Variants in TBC1D22B observed in about 807,000 individuals in gnomAD.
The protein encoded by TBC1D22B is chromosome 6 open reading frame 197.
Under a neutral mutation model 69.1 loss-of-function variants are expected in TBC1D22B, and 32 were observed. That is an observed-to-expected ratio of 0.46 (90% CI 0.35 to 0.62). The LOEUF is 0.62. TBC1D22B is among the 20% of genes least tolerant of loss of function. The pLI, the probability that TBC1D22B is intolerant of heterozygous loss-of-function variation, is 0.00. For synonymous variants in TBC1D22B, 206 were observed against 229.8 expected (o/e 0.90, Z 0.94); for missense variants, 462 against 630.9 (o/e 0.73, Z 2.87).
At chr6:37,263,935 A>G (rs1766188081) in intron 1 of TBC1D22B, among the ~76,000 whole-genome samples, 1 of 152,206 alleles carries the variant, frequency 6.6e-6, no homozygotes, top group Non-Finnish European at 1.5e-5. Context: ...TTTGTAAATC[A>G]GAGTGATGGG....
chr6:37,267,404 TATA>T (rs1291674322), intron 1 of TBC1D22B, among the ~76,000 whole-genome samples: 2 of 141,518 alleles, frequency 1.4e-5, no homozygotes, highest in Non-Finnish European at 3.0e-5. Flanking sequence ...TACACACATA[TATA>T]ATATATATAT....
chr6:37,279,747 C>A, intron 3 of TBC1D22B, 136 bp downstream of exon 3: 1 of 964,564 alleles, frequency 1.0e-6, no homozygotes. Flanking sequence ...TGAGATGTGA[C>A]ATCATTAAGC....
intron 8 of TBC1D22B, among the ~76,000 whole-genome samples, chr6:37,305,663 G>A (rs1451234974): frequency 6.6e-5 from 10 of 151,874 alleles, no homozygotes; most frequent in East Asian, 5.8e-4. Context: ...GACTACAGGC[G>A]CCCGCCACCA....
intron 1 of TBC1D22B, among the ~76,000 whole-genome samples, chr6:37,267,963 A>G (rs1047913397): frequency 6.6e-6 from 1 of 152,088 alleles, no homozygotes; most frequent in African/African-American, 2.4e-5. Flanking sequence ...ACATTTGCCA[A>G]TTATATTACT....
chr6:37,314,867 A>G (rs1194747766), intron 10 of TBC1D22B, among the ~76,000 whole-genome samples: 2 of 143,812 alleles, frequency 1.4e-5, no homozygotes, highest in Non-Finnish European at 3.0e-5. Context: ...CACTCACTCT[A>G]TTTTATGACT....
intron 3 of TBC1D22B, among the ~76,000 whole-genome samples, chr6:37,281,383 C>G (rs186169372): frequency 3.0e-4 from 45 of 152,316 alleles, no homozygotes; most frequent in Non-Finnish European, 4.7e-4. Context: ...TACCCACTAT[C>G]TAGTGTAGAA....
intron 6 of TBC1D22B, among the ~76,000 whole-genome samples, chr6:37,285,310 C>G (rs957093842): frequency 3.6e-5 from 5 of 140,158 alleles, no homozygotes; most frequent in Non-Finnish European, 7.5e-5. Flanking sequence ...TTTGGTCCTT[C>G]CCCACTTTTT....
At chr6:37,260,240 A>G (rs368701067) in intron 1 of TBC1D22B, among the ~76,000 whole-genome samples, 8 of 152,314 alleles carry the variant, frequency 5.3e-5, no homozygotes, top group African/African-American at 1.9e-4. Flanking sequence ...AGAGAAGAAA[A>G]ACTTTCTCCT....
At chr6:37,309,806 C>T (rs111767988) in intron 8 of TBC1D22B, among the ~76,000 whole-genome samples, 65 of 151,950 alleles carry the variant, frequency 4.3e-4, no homozygotes, top group African/African-American at 1.4e-3. Flanking sequence ...GTGATGGAGG[C>T]GCACCATGCA....
At chr6:37,288,432 C>T (rs2113748955) in intron 7 of TBC1D22B, among the ~76,000 whole-genome samples, 1 of 152,296 alleles carries the variant, frequency 6.6e-6, no homozygotes, top group East Asian at 1.9e-4. Context: ...GCTTCTCAGC[C>T]AGGCGTGATG....
chr6:37,260,490 A>G (rs1284153444), intron 1 of TBC1D22B, among the ~76,000 whole-genome samples: 3 of 152,242 alleles, frequency 2.0e-5, no homozygotes, highest in Non-Finnish European at 2.9e-5. Flanking sequence ...GATATAATTC[A>G]CATACCATAA....
chr6:37,317,802 C>T (rs542757499), intron 12 of TBC1D22B, among the ~76,000 whole-genome samples: 6 of 152,174 alleles, frequency 3.9e-5, no homozygotes, highest in Admixed American at 2.6e-4. Context: ...GAGCAAGCCA[C>T]GTGGACATCA....
chr6:37,329,324 G>A (rs531773275), intron 12 of TBC1D22B, among the ~76,000 whole-genome samples: 3 of 152,228 alleles, frequency 2.0e-5, no homozygotes, highest in African/African-American at 7.2e-5. Context: ...ATGTAGACCG[G>A]CTTCGCTTGT....
At position 37,319,696 on chromosome 6, in the gene TBC1D22B, C is replaced by T. The variant is rs186182396; in HGVS notation, c.1389+2490C>T. 1.1e-3 allele frequency among the ~76,000 whole-genome samples: 168 copies of T among 152,152 alleles called. 1 individual carries two copies. Among genetic ancestry groups the T allele is most frequent in the African/African-American group, 3.6e-3 (151 of 41,486 alleles). The stretch of plus-strand genomic sequence containing the variant: ...TTTCTTTTAGACAAAATAGAATGGG[C>T]GATTAAACTGGATAAGGTGAAAAGT... On this transcript the variant is annotated intron_variant, in intron 12 of 12. Coordinates refer to ENST00000373491, the MANE Select transcript of TBC1D22B (RefSeq NM_017772.4).
intron 10 of TBC1D22B, 104 bp downstream of exon 10, chr6:37,313,995 C>A: frequency 9.6e-7 from 1 of 1,046,036 alleles, no homozygotes; most frequent in Non-Finnish European, 1.5e-6. Flanking sequence ...CTAGCCATGA[C>A]CCTTTCCAGC....
At chr6:37,285,568 C>T (rs1188593999) in intron 6 of TBC1D22B, among the ~76,000 whole-genome samples, 1 of 152,160 alleles carries the variant, frequency 6.6e-6, no homozygotes, top group Non-Finnish European at 1.5e-5. Flanking sequence ...TCTCGGCTTG[C>T]TCCAGCCTTT....
chr6:37,314,003 A>G (rs1345727239), intron 10 of TBC1D22B, 112 bp downstream of exon 10: 9 of 953,568 alleles, frequency 9.4e-6, no homozygotes, highest in African/African-American at 1.6e-5. Context: ...GACCCTTTCC[A>G]GCGCACTGAG....
chr6:37,309,558 C>T (rs1767840479), intron 8 of TBC1D22B, among the ~76,000 whole-genome samples: 1 of 152,072 alleles, frequency 6.6e-6, no homozygotes, highest in Admixed American at 6.6e-5. Flanking sequence ...TTTTTTCCAA[C>T]GACCCTATTT....
chr6:37,312,165 A>C (rs1767932798), intron 8 of TBC1D22B, among the ~76,000 whole-genome samples: 1 of 152,248 alleles, frequency 6.6e-6, no homozygotes, highest in African/African-American at 2.4e-5. Context: ...AGATTTACTT[A>C]ATGCAGAATT....
Sources: allele counts gnomAD v4.1 joint callset (sites outside exome capture counted in the v4.1 genomes callset), GRCh38; gene constraint gnomAD v4.1.1; transcripts MANE v1.5; gene names NCBI Gene and HGNC (gene_info 2026-07-23, HGNC 2026-07-21).